The following DACH1 variants were observed in gnomAD, a reference collection of about 807,000 sequenced individuals.
The protein encoded by DACH1 is dachshund family transcription factor 1.
In DACH1, 12 loss-of-function variants were observed where a neutral mutation model predicts 54.2. That is an observed-to-expected ratio of 0.22 (90% CI 0.14 to 0.36). DACH1 has a LOEUF of 0.36. Ranked by LOEUF, DACH1 falls within the 10% of genes least tolerant of loss-of-function variation. The probability of loss-of-function intolerance (pLI) is 1.00; values close to 1 mark genes in which losing one functional copy is unlikely to be tolerated. For missense variants in DACH1, 805 were observed against 929.8 expected (o/e 0.87, Z 1.75); for synonymous variants, 386 against 366.2 (o/e 1.05, Z -0.62).
At chr13:71,605,409 G>A (rs1874801585) in intron 3 of DACH1, among the ~76,000 whole-genome samples, 1 of 151,674 alleles carries the variant, frequency 6.6e-6, no homozygotes, top group African/African-American at 2.4e-5. Flanking sequence ...GTTCGAGTAT[G>A]ACAAACTTCT....
intron 2 of DACH1, among the ~76,000 whole-genome samples, chr13:71,657,714 C>T (rs9529909): frequency 0.84 from 127,639 of 152,050 alleles, 54,741 homozygotes; most frequent in Non-Finnish European, 0.92. Context: ...ATGATTAACA[C>T]AGAAACATGC....
intron 5 of DACH1, among the ~76,000 whole-genome samples, chr13:71,557,374 T>C (rs1884322593): frequency 6.6e-6 from 1 of 152,226 alleles, no homozygotes; most frequent in East Asian, 1.9e-4. Flanking sequence ...GAAAATGACA[T>C]CACCTCACTT....
chr13:71,816,618 ACGTGT>A (rs1887949029), intron 1 of DACH1, among the ~76,000 whole-genome samples: 1 of 89,154 alleles, frequency 1.1e-5, no homozygotes, highest in African/African-American at 3.7e-5. Flanking sequence ...ATATATATAC[ACGTGT>A]ATATATACAC....
At position 71,774,356 on chromosome 13, in the gene DACH1, T is replaced by C. The variant is rs182560408; in HGVS notation, c.848+91566A>G. Among the ~76,000 whole-genome samples the C allele has an allele frequency of 3.3e-5, 5 of 152,242 alleles. No homozygotes were observed. In the East Asian group the frequency reaches 9.7e-4, roughly 29 times the overall value. On this transcript the variant is annotated intron_variant, in intron 1 of 10. Transcript: ENST00000613252. ...ATTTCTCAGTATGGAGGGTTTCTGT[T>C]ATCAACATGCAAATAGACTGGACAA...
intron 2 of DACH1, among the ~76,000 whole-genome samples, chr13:71,652,060 GTATTCC>G (rs1878727972): frequency 6.6e-6 from 1 of 151,980 alleles, no homozygotes; most frequent in Admixed American, 6.6e-5. Flanking sequence ...ATGCTAGATC[GTATTCC>G]TATTTGTTTC....
intron 6 of DACH1, among the ~76,000 whole-genome samples, chr13:71,528,546 G>A (rs892476174): frequency 8.1e-5 from 12 of 147,934 alleles, no homozygotes; most frequent in Admixed American, 5.6e-4. Flanking sequence ...TCCTGCCTCA[G>A]CCTCCCGAGT....
intron 10 of DACH1, among the ~76,000 whole-genome samples, chr13:71,471,712 A>G (rs1272658239): frequency 6.6e-6 from 1 of 151,920 alleles, no homozygotes; most frequent in Non-Finnish European, 1.5e-5. Context: ...AGATGGTGCC[A>G]CTGCACTCCA....
intron 1 of DACH1, among the ~76,000 whole-genome samples, chr13:71,818,788 C>A (rs755674264): frequency 6.6e-6 from 1 of 152,154 alleles, no homozygotes; most frequent in Non-Finnish European, 1.5e-5. Flanking sequence ...GGAGTGTGGA[C>A]AATAAAGAAG....
intron 2 of DACH1, among the ~76,000 whole-genome samples, chr13:71,665,432 TAAC>T (rs1210802269): frequency 3.3e-5 from 5 of 152,042 alleles, no homozygotes; most frequent in Non-Finnish European, 7.4e-5. Context: ...CTTTAAAATG[TAAC>T]TATAAAATAT....
intron 1 of DACH1, among the ~76,000 whole-genome samples, chr13:71,786,350 T>G (rs1216387228): frequency 6.6e-6 from 1 of 152,120 alleles, no homozygotes; most frequent in East Asian, 1.9e-4. Context: ...ATGCCTTGCA[T>G]CCCATCAGGA....
intron 4 of DACH1, among the ~76,000 whole-genome samples, chr13:71,562,297 A>G (rs972324456): frequency 2.6e-5 from 4 of 152,144 alleles, no homozygotes; most frequent in African/African-American, 9.7e-5. Flanking sequence ...GCAACACACA[A>G]TATATTTTCC....
intron 1 of DACH1, among the ~76,000 whole-genome samples, chr13:71,690,413 G>A (rs1461452492): frequency 1.3e-5 from 2 of 151,550 alleles, no homozygotes; most frequent in Admixed American, 1.3e-4. Flanking sequence ...CTTTCTTCCC[G>A]TAAGTCTTCC....
chr13:71,707,606 C>A (rs911099340), intron 1 of DACH1, among the ~76,000 whole-genome samples: 2 of 152,150 alleles, frequency 1.3e-5, no homozygotes, highest in Non-Finnish European at 2.9e-5. Flanking sequence ...AATAATTAGG[C>A]TCTTACATCT....
chr13:71,764,130 T>A (rs1465737729), intron 1 of DACH1, among the ~76,000 whole-genome samples: 2 of 152,190 alleles, frequency 1.3e-5, no homozygotes. Flanking sequence ...TATGTGCACT[T>A]CATTTTTAAC....
chr13:71,865,862 G>T, intron 1 of DACH1, 60 bp downstream of exon 1: 2 of 1,466,964 alleles, frequency 1.4e-6, no homozygotes, highest in South Asian at 2.8e-5. Flanking sequence ...AGGAGCGAGG[G>T]CAGGCGAGCA....
chr13:71,485,511 T>C (rs1878410945), intron 7 of DACH1, among the ~76,000 whole-genome samples: 1 of 148,212 alleles, frequency 6.7e-6, no homozygotes, highest in African/African-American at 2.4e-5. Flanking sequence ...TATATCAACA[T>C]AGGATTTTTT....
chr13:71,568,850 AGT>A (rs1885039591), intron 4 of DACH1, among the ~76,000 whole-genome samples: 1 of 152,234 alleles, frequency 6.6e-6, no homozygotes, highest in African/African-American at 2.4e-5. Flanking sequence ...ATACAGGTAC[AGT>A]TTATAATTAT....
At chr13:71,668,506 A>C (rs780582154) in intron 2 of DACH1, among the ~76,000 whole-genome samples, 40 of 152,302 alleles carry the variant, frequency 2.6e-4, no homozygotes, top group South Asian at 4.1e-4. Context: ...TAAGTTAAAT[A>C]TGAATCACAA....
At chr13:71,764,424 TA>T (rs533950139) in intron 1 of DACH1, among the ~76,000 whole-genome samples, 4 of 151,810 alleles carry the variant, frequency 2.6e-5, no homozygotes, top group East Asian at 1.9e-4. Flanking sequence ...TAAATTAGGA[TA>T]AAAAAATTGT....
Sources: gnomAD v4.1 joint callset for allele counts (sites outside exome capture counted in the v4.1 genomes callset) on GRCh38, gnomAD v4.1.1 for gene constraint, MANE v1.5 for transcripts, NCBI Gene and HGNC (gene_info 2026-07-23, HGNC 2026-07-21) for gene names.